STXBP4: variants seen among roughly 807,000 people sequenced by gnomAD.
The protein encoded by STXBP4 is syntaxin binding protein 4.
Under a neutral mutation model 76.1 loss-of-function variants are expected in STXBP4, and 55 were observed. The ratio of observed to expected loss-of-function variants is 0.72; its 90% CI spans 0.58 to 0.91. The LOEUF (loss-of-function observed/expected upper bound fraction) is 0.91, where lower values mean the gene tolerates loss of function less well. STXBP4 is among the 40% of genes least tolerant of loss of function. STXBP4 has a pLI of 0.00. For missense variants in STXBP4, 618 were observed against 636.9 expected, an observed-to-expected ratio of 0.97 and a Z score of 0.32; for synonymous variants, 201 against 220.2, an observed-to-expected ratio of 0.91 and a Z score of 0.77.
chr17:55,049,761 T>A (rs1200538739), intron 12 of STXBP4, among the ~76,000 whole-genome samples: 1 of 151,992 alleles, frequency 6.6e-6, no homozygotes. Flanking sequence ...AACTCACCTA[T>A]TTTTTAAAAA....
At chr17:55,067,726 G>C (rs1236899707) in intron 12 of STXBP4, among the ~76,000 whole-genome samples, 1 of 152,064 alleles carries the variant, frequency 6.6e-6, no homozygotes, top group African/African-American at 2.4e-5. Context: ...CAGTAGGCAG[G>C]GTGATCACAT....
intron 12 of STXBP4, among the ~76,000 whole-genome samples, chr17:55,048,364 A>T (rs762011467): frequency 2.0e-5 from 3 of 151,942 alleles, no homozygotes; most frequent in Non-Finnish European, 4.4e-5. Context: ...TTGAACTAAG[A>T]ACTTTTTCTG....
At chr17:55,033,144 TG>T (rs1294840635) in intron 9 of STXBP4, among the ~76,000 whole-genome samples, 2 of 151,916 alleles carry the variant, frequency 1.3e-5, no homozygotes, top group Non-Finnish European at 2.9e-5. Context: ...GAGGCCAAGG[TG>T]GGTGCGTCAC....
chr17:54,976,447 C>A (rs2077475068), intron 1 of STXBP4, among the ~76,000 whole-genome samples: 1 of 151,382 alleles, frequency 6.6e-6, no homozygotes, highest in African/African-American at 2.4e-5. Context: ...CTCAGGAAAC[C>A]AACCATCAGG....
rs1338567323 is a variant in STXBP4, at chr17:55,111,212, C to G, written c.1489+30029C>G. ...ATGTCACTCCCCTGGTCAAAACTCTCCAATCATTTCCAATTACACTTAGAG... is the reference window on the plus strand; with the variant it reads ...ATGTCACTCCCCTGGTCAAAACTCTGCAATCATTTCCAATTACACTTAGAG... On this transcript the variant is annotated intron_variant, in intron 16 of 17. Transcript: ENST00000376352. Among the ~76,000 whole-genome samples, 4 of 152,138 alleles carry G rather than the reference C, an allele frequency of 2.6e-5. No homozygotes were observed. The East Asian group carries it at 7.7e-4, about 29-fold the overall frequency.
intron 6 of STXBP4, 88 bp from the exon 7 acceptor site, chr17:55,000,720 C>A: frequency 1.1e-6 from 1 of 918,452 alleles, no homozygotes; most frequent in Non-Finnish European, 1.8e-6. Flanking sequence ...TTACTTTAAT[C>A]TCTTTAACCA....
Position 55,009,933 on chromosome 17 carries a change from G to A in STXBP4, c.666+2336G>A, listed in dbSNP as rs117262706. On this transcript the variant is annotated intron_variant, in intron 8 of 17. Coordinates refer to ENST00000376352, the MANE Select transcript of STXBP4 (RefSeq NM_178509.6). ...TCAGTATCATCTCAGCTTGAAATAG[G>A]TCCTTCTCTTTTGGTTGCTACTTTG... is the stretch of plus-strand genomic sequence containing the variant. 1.8e-4 allele frequency among the ~76,000 whole-genome samples: 28 copies of A among 151,816 alleles called. No individual in the cohort carries two copies. In the East Asian group the frequency reaches 4.8e-3, roughly 26 times the overall value.
chr17:55,131,559 T>C (rs2079973660), intron 16 of STXBP4, among the ~76,000 whole-genome samples: 1 of 152,238 alleles, frequency 6.6e-6, no homozygotes, highest in Admixed American at 6.5e-5. Context: ...CATTTTGAAC[T>C]ATCAGACATG....
At position 54,976,239 on chromosome 17, in the gene STXBP4, T is replaced by C. The variant is rs1381146790; in HGVS notation, c.-157+7424T>C. ...TGATGAAGACTCCTTTCAAGAAGACTAAGACTTTCTTTGAAGTAGTTTTCT... is the reference window on the plus strand; with the variant it reads ...TGATGAAGACTCCTTTCAAGAAGACCAAGACTTTCTTTGAAGTAGTTTTCT... On this transcript the variant is annotated intron_variant, in intron 1 of 17. Coordinates refer to ENST00000376352, the MANE Select transcript of STXBP4 (RefSeq NM_178509.6). Among the ~76,000 whole-genome samples the C allele has an allele frequency of 2.0e-5, 3 of 152,320 alleles. No individual in the cohort carries two copies. The East Asian group carries it at 5.8e-4, about 29-fold the overall frequency.
chr17:55,002,648 A>G (rs1433248440), intron 7 of STXBP4, among the ~76,000 whole-genome samples: 3 of 152,214 alleles, frequency 2.0e-5, no homozygotes, highest in Admixed American at 1.3e-4. Context: ...ACATGAACAA[A>G]GAGGCCTAAG....
chr17:55,095,400 A>C (rs868045402), intron 16 of STXBP4, among the ~76,000 whole-genome samples: 8 of 152,174 alleles, frequency 5.3e-5, no homozygotes, highest in Admixed American at 5.2e-4. Context: ...GCAAGGCCTG[A>C]AAATCTCCTC....
chr17:55,063,934 G>T (rs1021917001), intron 12 of STXBP4, among the ~76,000 whole-genome samples: 9 of 152,072 alleles, frequency 5.9e-5, no homozygotes, highest in Non-Finnish European at 1.3e-4. Flanking sequence ...AATTAATTTG[G>T]CTGACAAACT....
chr17:55,119,217 AC>A (rs1281338142), intron 16 of STXBP4, among the ~76,000 whole-genome samples: 2 of 151,998 alleles, frequency 1.3e-5, no homozygotes, highest in Non-Finnish European at 2.9e-5. Flanking sequence ...TTAAACTGCT[AC>A]CAGTTAAAAA....
intron 16 of STXBP4, among the ~76,000 whole-genome samples, chr17:55,132,922 G>A (rs183743132): frequency 7.9e-5 from 12 of 152,288 alleles, no homozygotes; most frequent in African/African-American, 2.4e-4. Flanking sequence ...CCTGAAGCAG[G>A]AACATACTTG....
At chr17:55,187,042 G>A in the STXBP4 span, among the ~76,000 whole-genome samples, 1 of 152,216 alleles carries the variant, frequency 6.6e-6, no homozygotes. Flanking sequence ...AGAAATACAC[G>A]GATGTCCAGA....
At position 55,022,400 on chromosome 17, in the gene STXBP4, A is replaced by G. The variant is rs565804637; in HGVS notation, c.667-8768A>G. 4.6e-5 allele frequency among the ~76,000 whole-genome samples: 7 copies of G among 152,260 alleles called. No individual in the cohort carries two copies. The South Asian group carries it at 1.4e-3, about 32-fold the overall frequency. Reference sequence around the variant, plus strand: ...TAAGTGAATCCAATTCAGCCATCTTAGATTACCAAAGATTACAAAGTTATT... The same window carrying G: ...TAAGTGAATCCAATTCAGCCATCTTGGATTACCAAAGATTACAAAGTTATT... On this transcript the variant is annotated intron_variant, in intron 8 of 17. Coordinates refer to ENST00000376352, the MANE Select transcript of STXBP4 (RefSeq NM_178509.6).
At chr17:55,108,023 G>A (rs1253764042) in intron 16 of STXBP4, among the ~76,000 whole-genome samples, 2 of 152,238 alleles carry the variant, frequency 1.3e-5, no homozygotes, top group Non-Finnish European at 2.9e-5. Flanking sequence ...GGCCACAGCA[G>A]TCCCTTCCCC....
At chr17:55,181,247 A>G in the STXBP4 span, among the ~76,000 whole-genome samples, 2 of 152,248 alleles carry the variant, frequency 1.3e-5, no homozygotes, top group East Asian at 3.8e-4. Context: ...CAATTTGAAA[A>G]AGTCCTCATG....
the STXBP4 span, among the ~76,000 whole-genome samples, chr17:55,198,596 G>A: frequency 6.6e-6 from 1 of 152,044 alleles, no homozygotes; most frequent in Admixed American, 6.5e-5. Context: ...TTTGTTTATC[G>A]TAAATTCCCC....
Sources: gnomAD v4.1 joint callset for allele counts (sites outside exome capture counted in the v4.1 genomes callset) on GRCh38, gnomAD v4.1.1 for gene constraint, MANE v1.5 for transcripts, NCBI Gene and HGNC (gene_info 2026-07-23, HGNC 2026-07-21) for gene names.